The following EML5 variants were observed in gnomAD, a reference collection of about 807,000 sequenced individuals.
EML5 encodes echinoderm microtubule-associated protein-like 5.
Under a neutral mutation model 250.0 loss-of-function variants are expected in EML5, and 120 were observed. The observed-to-expected ratio is 0.48, with a 90% CI of 0.41 to 0.56. The LOEUF (loss-of-function observed/expected upper bound fraction) is 0.56. EML5 is among the 20% of genes least tolerant of loss of function. EML5 has a pLI of 0.00. For missense variants in EML5, 2,006 were observed against 2,437.6 expected, an observed-to-expected ratio of 0.82 and a Z score of 3.73; for synonymous variants, 771 against 806.5, an observed-to-expected ratio of 0.96 and a Z score of 0.75.
In EML5 at chr14:88,622,597, AT is replaced by A; in HGVS notation, c.5013+6del. ...GCTGCACTGTATCAGCTCATGGAAC[AT>A]CTTACTTTGCCTCTGCACACAGAAC... On this transcript the variant is annotated splice_donor_region_variant and intron_variant, in intron 37 of 43. Transcript: ENST00000554922. The A allele has an allele frequency of 6.3e-7, 1 of 1,591,298 alleles. No individual in the cohort carries two copies. Among genetic ancestry groups the A allele is most frequent in the East Asian group, 2.3e-5 (1 of 43,968 alleles).
intron 2 of EML5, among the ~76,000 whole-genome samples, chr14:88,749,067 T>C (rs1410962035): frequency 6.7e-6 from 1 of 149,778 alleles, no homozygotes; most frequent in Admixed American, 6.7e-5. Flanking sequence ...AATCCACAAA[T>C]TTAAGACGTT....
intron 6 of EML5, among the ~76,000 whole-genome samples, chr14:88,737,225 C>A (rs1048856047): frequency 6.6e-6 from 1 of 152,198 alleles, no homozygotes; most frequent in African/African-American, 2.4e-5. Context: ...CACCACATGC[C>A]CCCATTTATT....
intron 1 of EML5, among the ~76,000 whole-genome samples, chr14:88,789,053 A>G (rs1320212450): frequency 2.0e-5 from 3 of 151,934 alleles, no homozygotes; most frequent in African/African-American, 7.3e-5. Flanking sequence ...ACGCAGAGCA[A>G]GGGCCTGTCT....
chr14:88,665,592 T>G, intron 21 of EML5, 103 bp from the exon 22 acceptor site: 3 of 1,493,810 alleles, frequency 2.0e-6, no homozygotes, highest in Non-Finnish European at 2.7e-6. Flanking sequence ...TCTGGGGAGC[T>G]GAGGCAGGAG....
chr14:88,760,720 T>C (rs931501089), intron 1 of EML5, among the ~76,000 whole-genome samples: 10 of 152,186 alleles, frequency 6.6e-5, no homozygotes, highest in Non-Finnish European at 1.5e-4. Context: ...ATTAGAATTG[T>C]ATTATATCTA....
chr14:88,736,857 G>A (rs543206771), intron 6 of EML5, among the ~76,000 whole-genome samples: 210 of 152,066 alleles, frequency 1.4e-3, no homozygotes, highest in Non-Finnish European at 2.3e-3. Context: ...CATCTTTGAG[G>A]GGTGCTTTTT....
At chr14:88,642,540 C>G (rs2091121051) in intron 31 of EML5, among the ~76,000 whole-genome samples, 1 of 152,252 alleles carries the variant, frequency 6.6e-6, no homozygotes, top group South Asian at 2.1e-4. Flanking sequence ...TCAGAAACCA[C>G]CATCCAAACC....
At chr14:88,616,470 A>G (rs2140229638) in intron 42 of EML5, 1 of 605,912 alleles carries the variant, frequency 1.7e-6, no homozygotes, top group African/African-American at 1.8e-5. Context: ...AAGGAAAAGC[A>G]TTTGAAATTT....
intron 31 of EML5, 124 bp from the exon 32 acceptor site, chr14:88,639,031 TA>T: frequency 1.5e-6 from 1 of 667,188 alleles, no homozygotes; most frequent in South Asian, 2.0e-5. Context: ...TTTGAGCACT[TA>T]CTATGTATAC....
At chr14:88,631,127 T>A (rs1266728731) in intron 33 of EML5, among the ~76,000 whole-genome samples, 1 of 152,144 alleles carries the variant, frequency 6.6e-6, no homozygotes, top group Non-Finnish European at 1.5e-5. Flanking sequence ...TGAGGTGCAG[T>A]CTTAGGAGGG....
chr14:88,745,792 T>C lies in EML5; in HGVS notation c.456+393A>G, dbSNP rs183834896. ...TAAAAAATGTAAAGAAAATACATTG[T>C]TTTTACTGAAGCAAACACCAGGTTA... On this transcript the variant is annotated intron_variant, in intron 3 of 43. Coordinates refer to ENST00000554922, the MANE Select transcript of EML5 (RefSeq NM_183387.3). Among the ~76,000 whole-genome samples the C allele has an allele frequency of 6.6e-4, 101 of 152,262 alleles. 1 individual carries two copies. Among genetic ancestry groups the C allele is most frequent in the South Asian group, 2.9e-3 (14 of 4,824 alleles).
Position 88,688,428 on chromosome 14 carries a change from T to C in EML5, c.2585A>G (p.Lys862Arg). The change falls in exon 18 of 44, where the codon AAA (lysine) becomes AGA (arginine). Residue 862 changes from lysine to arginine, a missense_variant. Physicochemically the swap from Lys to Arg is conservative, Grantham distance 26. This residue lies in a region of EML5 where 1,375 missense variants were observed against 1,590.3 expected (regional missense o/e 0.86). Transcript: ENST00000554922. Reference sequence around the variant, plus strand: ...CACTGCACACATCATTGTGTCATTTTTCCCCAGTGTGCCTATGTAGCCTTT... The same window carrying C: ...CACTGCACACATCATTGTGTCATTTCTCCCCAGTGTGCCTATGTAGCCTTT... ...GRKGYIGTLG[K>R]NDTMMCAVYG... 1 of 1,614,024 alleles carries C rather than the reference T, an allele frequency of 6.2e-7. No homozygotes were observed. Among genetic ancestry groups the C allele is most frequent in the Non-Finnish European group, 8.5e-7 (1 of 1,179,888 alleles).
In EML5 at chr14:88,681,895, T is replaced by C. The variant is rs1476287315; in HGVS notation, c.3119A>G (p.Lys1040Arg). The C allele has an allele frequency of 1.2e-6, 2 of 1,605,824 alleles. No homozygotes were observed. Among genetic ancestry groups the C allele is most frequent in the East Asian group, 4.5e-5 (2 of 44,556 alleles). Residue 1040 changes from lysine (K) to arginine (R), a missense_variant, in exon 21 of 44, where the codon AAA (lysine) becomes AGA (arginine). Around this residue, in one of 7 missense-constraint regions of EML5, gnomAD observed 1,375 missense variants for 1,590.3 expected, o/e 0.86. Transcript: ENST00000554922. ...SHCMLAVRKL[K>R]KGGRCCCFSP... is the part of the protein sequence containing the mutation. Reference sequence around the variant, plus strand: ...CAAGTGTGAGAGCCTCTTACCCTTTTTCAGCTTCCGGACAGCCAACATACA... The same window carrying C: ...CAAGTGTGAGAGCCTCTTACCCTTTCTCAGCTTCCGGACAGCCAACATACA...
At chr14:88,730,789 C>G (rs1029773759) in intron 7 of EML5, among the ~76,000 whole-genome samples, 2 of 151,992 alleles carry the variant, frequency 1.3e-5, no homozygotes, top group Non-Finnish European at 2.9e-5. Flanking sequence ...TTGGAATCTG[C>G]TAAGATGAAT....
chr14:88,642,946 T>A lies in EML5; in HGVS notation c.4184A>T (p.Asp1395Val). 6.2e-7 allele frequency: 1 copy of A among 1,606,678 alleles called. No homozygotes were observed. The highest frequency in any genetic ancestry group is 8.5e-7 in the Non-Finnish European group (1 of 1,177,794). Reference sequence around the variant, plus strand: ...AGATGCAGTGTGATAAATTATATCATCACCATCATTTAAATAGTGAACATT... The same window carrying A: ...AGATGCAGTGTGATAAATTATATCAACACCATCATTTAAATAGTGAACATT... Reference protein sequence around the residue: ...RNNVHYLNDGDDIIYHTASVG... With the variant: ...RNNVHYLNDGVDIIYHTASVG... Residue 1395 changes from aspartate (D) to valine (V), a missense_variant, in exon 31 of 44, where the codon GAT (aspartate) becomes GTT (valine). Asp to Val is a radical substitution (Grantham distance 152). This residue lies in a region of EML5 where 1,375 missense variants were observed against 1,590.3 expected (regional missense o/e 0.86). Coordinates refer to ENST00000554922, the MANE Select transcript of EML5 (RefSeq NM_183387.3).
At chr14:88,697,778 C>T (rs2093113720) in intron 14 of EML5, among the ~76,000 whole-genome samples, 1 of 152,036 alleles carries the variant, frequency 6.6e-6, no homozygotes, top group Non-Finnish European at 1.5e-5. Flanking sequence ...TCTTGTTGCC[C>T]AGGCTGGAGT....
At chr14:88,680,764 G>A (rs1204586879) in intron 21 of EML5, among the ~76,000 whole-genome samples, 1 of 151,924 alleles carries the variant, frequency 6.6e-6, no homozygotes, top group African/African-American at 2.4e-5. Context: ...TCAAAAAAAA[G>A]TCCTCGATCC....
Position 88,615,715 on chromosome 14 carries a change from C to T in EML5, c.*103G>A. The T allele has an allele frequency of 9.6e-7, 1 of 1,036,518 alleles. No homozygotes were observed. The highest frequency in any genetic ancestry group is 1.5e-5 in the South Asian group (1 of 65,718). 64.2% of individuals were successfully genotyped at this position (1,036,518 alleles called of 1,614,324 possible). On this transcript the variant is annotated 3_prime_UTR_variant, in exon 44 of 44. Transcript: ENST00000554922. ...TGATTCTGGGCATTTCTCCCTGTTACAGTCTTGGGTTAGCACCACTTGACC... is the reference window on the plus strand; with the variant it reads ...TGATTCTGGGCATTTCTCCCTGTTATAGTCTTGGGTTAGCACCACTTGACC...
intron 1 of EML5, among the ~76,000 whole-genome samples, chr14:88,761,025 A>G (rs1401264959): frequency 6.6e-6 from 1 of 152,100 alleles, no homozygotes; most frequent in Admixed American, 6.6e-5. Context: ...AAATTCACTG[A>G]GTTTTAGGAG....
Sources: gnomAD v4.1 joint callset for allele counts (sites outside exome capture counted in the v4.1 genomes callset) on GRCh38, gnomAD v4.1.1 for gene constraint, gnomAD v4.1.1 regional missense constraint, MANE v1.5 for transcripts, NCBI Gene and HGNC (gene_info 2026-07-23, HGNC 2026-07-21) for gene names.